The following AKAP13 variants were observed in gnomAD, a reference collection of about 807,000 sequenced individuals.
AKAP13 encodes the protein A-kinase anchor protein 13.
AKAP13 carries 80 observed loss-of-function variants against 264.5 expected under a neutral mutation model. The ratio of observed to expected loss-of-function variants is 0.30; its 90% confidence interval spans 0.25 to 0.36. AKAP13 has a LOEUF of 0.36. Among genes scored for constraint, AKAP13 ranks in the 10% least tolerant of loss-of-function variants. The probability of loss-of-function intolerance (pLI) is 1.00; values close to 1 mark genes in which losing one functional copy is unlikely to be tolerated. For synonymous variants in AKAP13, 1,380 were observed against 1,250.2 expected, an observed-to-expected ratio of 1.10 and a Z score of -2.19; for missense variants, 3,712 against 3,435.2, an observed-to-expected ratio of 1.08 and a Z score of -2.01.
At chr15:85,686,267 G>T (rs150559421) in intron 16 of AKAP13, among the ~76,000 whole-genome samples, 1 of 151,814 alleles carries the variant, frequency 6.6e-6, no homozygotes, top group East Asian at 1.9e-4. Flanking sequence ...TAGAAGTAAG[G>T]GAATAAACAA....
intron 2 of AKAP13, among the ~76,000 whole-genome samples, chr15:85,504,139 A>G (rs1017110367): frequency 6.6e-6 from 1 of 152,192 alleles, no homozygotes; most frequent in African/African-American, 2.4e-5. Context: ...AGGATAATAA[A>G]TAACCAAGAA....
intron 8 of AKAP13, among the ~76,000 whole-genome samples, chr15:85,587,856 C>T (rs982162701): frequency 2.0e-5 from 3 of 152,128 alleles, no homozygotes; most frequent in Non-Finnish European, 4.4e-5. Flanking sequence ...CCATATTGGC[C>T]AGGCTGGTCT....
chr15:85,482,589 T>G (rs1474791562), intron 1 of AKAP13, among the ~76,000 whole-genome samples: 6 of 152,190 alleles, frequency 3.9e-5, no homozygotes, highest in Non-Finnish European at 7.3e-5. Flanking sequence ...GGAGATCCTC[T>G]TACGATGTGG....
chr15:85,488,796 C>T (rs2075643831), intron 2 of AKAP13, among the ~76,000 whole-genome samples: 1 of 152,212 alleles, frequency 6.6e-6, no homozygotes, highest in African/African-American at 2.4e-5. Flanking sequence ...GAACACAGCC[C>T]TGCTGGCACC....
At chr15:85,648,034 TTAA>T (rs1400908680) in intron 10 of AKAP13, among the ~76,000 whole-genome samples, 2 of 152,164 alleles carry the variant, frequency 1.3e-5, no homozygotes, top group Admixed American at 1.3e-4. Flanking sequence ...TATTTTTTTT[TTAA>T]TAATATCAGA....
intron 1 of AKAP13, among the ~76,000 whole-genome samples, chr15:85,459,212 G>A (rs907547634): frequency 4.0e-5 from 6 of 151,894 alleles, no homozygotes; most frequent in Non-Finnish European, 8.8e-5. Flanking sequence ...TCTTTCCTTC[G>A]TCTCACTCTG....
intron 1 of AKAP13, among the ~76,000 whole-genome samples, chr15:85,471,130 C>T (rs1441386149): frequency 6.6e-6 from 1 of 152,184 alleles, no homozygotes; most frequent in Non-Finnish European, 1.5e-5. Context: ...GTGTTCAACA[C>T]AATGACACAA....
At chr15:85,389,509 A>T (rs750025325) in intron 1 of AKAP13, among the ~76,000 whole-genome samples, 1 of 152,206 alleles carries the variant, frequency 6.6e-6, no homozygotes, top group Non-Finnish European at 1.5e-5. Context: ...ATGCCAGGAT[A>T]AATCTGGATC....
rs2087459218 is a variant in AKAP13, at chr15:85,724,054, T to C, written c.6745+734T>C. The stretch of plus-strand genomic sequence containing the variant: ...ATATGTTACACCAATAGCCTTGAAT[T>C]ATACCCACCCCGTCGCCCTGGCCTC... On this transcript the variant is annotated intron_variant, in intron 26 of 36. Coordinates refer to ENST00000394518, the MANE Select transcript of AKAP13 (RefSeq NM_007200.5). The surrounding 1 kb of genome is among the most constrained non-coding windows in gnomAD (Gnocchi z 4.2). Among the ~76,000 whole-genome samples the C allele has an allele frequency of 6.6e-6, 1 of 152,236 alleles. No homozygotes were observed. Among genetic ancestry groups the C allele is most frequent in the Non-Finnish European group, 1.5e-5 (1 of 68,048 alleles).
rs568427036 is a variant in AKAP13, at chr15:85,619,152, G to GGGAGGA, written c.4162-20209_4162-20204dup. ...CTGACAGAGCCTTTTTCATAGGGGTGGGAGGAGGAGGAGGAGGAAGAAGAA... is the reference window on the plus strand; with the variant it reads ...CTGACAGAGCCTTTTTCATAGGGGTGGGAGGAGGAGGAGGAGGAGGAGGAAGAAGAA... On this transcript the variant is annotated intron_variant, in intron 8 of 36. Transcript: ENST00000394518. 9.4e-3 allele frequency among the ~76,000 whole-genome samples: 1,434 copies of GGGAGGA among 151,990 alleles called. 12 individuals are homozygous for GGGAGGA. The highest frequency in any genetic ancestry group is 0.015 in the Non-Finnish European group (1,053 of 67,960).
chr15:85,626,438 C>T (rs2081413980), intron 8 of AKAP13, among the ~76,000 whole-genome samples: 2 of 144,190 alleles, frequency 1.4e-5, no homozygotes, highest in South Asian at 2.2e-4. Flanking sequence ...TGGCAACTAC[C>T]GTTCTATTTT....
chr15:85,394,379 G>C (rs117013919), intron 1 of AKAP13, among the ~76,000 whole-genome samples: 3,948 of 152,230 alleles, frequency 0.026, 81 homozygotes, highest in Non-Finnish European at 0.041. Context: ...AAAGACCTGG[G>C]TCATGTAATG....
Position 85,741,470 on chromosome 15 carries a change from G to A in AKAP13, c.8033G>A (p.Arg2678Gln), listed in dbSNP as rs376818845. The A allele has an allele frequency of 2.0e-5, 32 of 1,602,644 alleles. No individual in the cohort carries two copies. In the Admixed American group the frequency reaches 2.5e-4, roughly 13 times the overall value. Residue 2678 changes from arginine to glutamine, a missense_variant, in exon 35 of 37, where the codon CGG (arginine) becomes CAG (glutamine). Physicochemically the swap from Arg to Gln is conservative, Grantham distance 43. This residue lies in a region of AKAP13 where 611 missense variants were observed against 539.3 expected (regional missense o/e 1.13). Coordinates refer to ENST00000394518, the MANE Select transcript of AKAP13 (RefSeq NM_007200.5). ...CGGGAGGCAGAGCGGCTCAGCCAGC[G>A]GCAGACAGAACGGGACCTGTGTCAG... is the stretch of plus-strand genomic sequence containing the variant. Reference protein sequence around the residue: ...LRREAERLSQRQTERDLCQVS... With the variant: ...LRREAERLSQQQTERDLCQVS...
rs547157742 is a variant in AKAP13 at position 85,578,733 on chromosome 15, A to G, written c.862-197A>G. Among the ~76,000 whole-genome samples, 6 of 152,266 alleles carry G rather than the reference A, an allele frequency of 3.9e-5. No individual in the cohort carries two copies. In the South Asian group the frequency reaches 1.2e-3, roughly 32 times the overall value. ...CCTAATCTATTTTGAACATCCCAGT[A>G]TATAGGCAGATATGAAAGGAAAGTA... is the stretch of plus-strand genomic sequence containing the variant. On this transcript the variant is annotated intron_variant, in intron 6 of 36. Coordinates refer to ENST00000394518, the MANE Select transcript of AKAP13 (RefSeq NM_007200.5).
chr15:85,559,055 T>C (rs926398312), intron 5 of AKAP13, among the ~76,000 whole-genome samples: 1 of 152,128 alleles, frequency 6.6e-6, no homozygotes, highest in Non-Finnish European at 1.5e-5. Flanking sequence ...TCTTTCCAAG[T>C]TTCAGCTTAT....
intron 5 of AKAP13, among the ~76,000 whole-genome samples, chr15:85,555,151 A>G (rs571265447): frequency 1.6e-4 from 25 of 152,172 alleles, no homozygotes; most frequent in African/African-American, 5.8e-4. Context: ...TTCCCTACGG[A>G]TAGCTAAAAT....
In AKAP13 at chr15:85,747,592, A is replaced by G. The variant is rs575122406; in HGVS notation, c.*2915A>G. ...ACTGCGTCTTCTCTCAATTCCAGTC[A>G]TCTCAGTCGTTGTCGTTAGGTGACA... On this transcript the variant is annotated 3_prime_UTR_variant, in exon 37 of 37. Transcript: ENST00000394518. The G allele has an allele frequency of 1.3e-5, 2 of 152,742 alleles. No homozygotes were observed. The highest frequency in any genetic ancestry group is 3.9e-4 in the East Asian group (2 of 5,182). The allele number at this position is 152,742 out of a possible 1,614,324, so 9.5% of individuals were successfully genotyped here.
intron 5 of AKAP13, chr15:85,555,462 G>GCGATATT: frequency 7.8e-7 from 1 of 1,288,902 alleles, no homozygotes; most frequent in Non-Finnish European, 1.0e-6. Context: ...GGATGGGCTT[G>GCGATATT]CGATATTCGG....
Position 85,579,518 on chromosome 15 carries a change from C to T in AKAP13, c.1450C>T (p.His484Tyr), listed in dbSNP as rs781614228. The change falls in exon 7 of 37, where the codon CAT becomes TAT. Residue 484 changes from histidine (H) to tyrosine (Y), a missense_variant. Coordinates refer to ENST00000394518, the MANE Select transcript of AKAP13 (RefSeq NM_007200.5). ...CCCAGACACTGCAGGGGAAATGGAACATGGGCTCATGAACCCAGATGCCAC... is the reference window on the plus strand; with the variant it reads ...CCCAGACACTGCAGGGGAAATGGAATATGGGCTCATGAACCCAGATGCCAC... The part of the protein sequence containing the change: ...STPDTAGEME[H>Y]GLMNPDATVW... The T allele has an allele frequency of 6.2e-7, 1 of 1,614,148 alleles. No homozygotes were observed. Among genetic ancestry groups the T allele is most frequent in the East Asian group, 2.2e-5 (1 of 44,884 alleles).
Sources: gnomAD v4.1 joint callset for allele counts (sites outside exome capture counted in the v4.1 genomes callset) on GRCh38, gnomAD v4.1.1 for gene constraint, gnomAD v4.1.1 regional missense constraint, Gnocchi (gnomAD v3.1) non-coding constraint, MANE v1.5 for transcripts, NCBI Gene and HGNC (gene_info 2026-07-23, HGNC 2026-07-21) for gene names.